The following FMN1 variants were observed in gnomAD, a reference collection of about 807,000 sequenced individuals.
FMN1 encodes the protein formin 1.
Under a neutral mutation model 132.4 loss-of-function variants are expected in FMN1, and 110 were observed. That is an observed-to-expected ratio of 0.83 (90% CI 0.71 to 0.97). The LOEUF (loss-of-function observed/expected upper bound fraction) is 0.97. Ranked by LOEUF, FMN1 falls within the 50% of genes least tolerant of loss-of-function variation. The pLI is 0.00. For missense variants in FMN1, 1,792 were observed against 1,705.3 expected, an observed-to-expected ratio of 1.05 and a Z score of -0.90; for synonymous variants, 722 against 651.7, an observed-to-expected ratio of 1.11 and a Z score of -1.64.
intron 3 of FMN1, among the ~76,000 whole-genome samples, chr15:33,170,942 C>T (rs1965296770): frequency 6.6e-6 from 1 of 152,144 alleles, no homozygotes; most frequent in Admixed American, 6.5e-5. Context: ...TACCTGCACC[C>T]TCATGTTTAC....
chr15:33,060,746 T>G lies in FMN1; in HGVS notation c.2161+4211A>C, dbSNP rs1048382233. ...AGAGAAAAGCTTTTCCAGATGCACA[T>G]TGAGAGAGAAACCACATATGCACAA... On this transcript the variant is annotated intron_variant, in intron 6 of 20. Coordinates refer to ENST00000616417, the MANE Select transcript of FMN1 (RefSeq NM_001277313.2). Among the ~76,000 whole-genome samples the G allele has an allele frequency of 2.6e-5, 4 of 152,330 alleles. No homozygotes were observed. In the South Asian group the frequency reaches 6.2e-4, roughly 24 times the overall value.
intron 6 of FMN1, among the ~76,000 whole-genome samples, chr15:33,025,596 T>C (rs949010922): frequency 2.0e-4 from 30 of 152,308 alleles, no homozygotes; most frequent in African/African-American, 7.2e-4. Flanking sequence ...TTTCAGCAAT[T>C]TGTGAAACCC....
At chr15:33,183,565 G>GTA (rs1965777112) in intron 2 of FMN1, among the ~76,000 whole-genome samples, 2 of 152,182 alleles carry the variant, frequency 1.3e-5, no homozygotes, top group Admixed American at 6.5e-5. Flanking sequence ...CAGTGAATTA[G>GTA]TAATAATGGG....
In FMN1 at chr15:32,773,519, T is replaced by TA. The variant is rs1459844748; in HGVS notation, c.*790dup. 1 of 152,222 alleles carries TA rather than the reference T, an allele frequency of 6.6e-6. No individual in the cohort carries two copies. The highest frequency in any genetic ancestry group is 6.5e-5 in the Admixed American group (1 of 15,278). 9.4% of individuals were successfully genotyped at this position (152,222 alleles called of 1,614,324 possible). On this transcript the variant is annotated 3_prime_UTR_variant, in exon 21 of 21. Transcript: ENST00000616417. ...CCCAAGGCTGTGCTTGCTCAGGTAT[T>TA]ACATTTTCTCCTGGGAGTTGGGGTG...
chr15:33,065,327 A>G (rs2037674542), intron 5 of FMN1, among the ~76,000 whole-genome samples: 3 of 152,214 alleles, frequency 2.0e-5, no homozygotes, highest in Admixed American at 6.5e-5. Context: ...CAACCCTTAA[A>G]AGATTATTTT....
rs531647416 is a variant in FMN1 at position 32,995,402 on chromosome 15, C to A, written c.2223+12612G>T. Among the ~76,000 whole-genome samples the A allele has an allele frequency of 3.1e-4, 47 of 152,202 alleles. 1 individual carries two copies. Among genetic ancestry groups the A allele is most frequent in the African/African-American group, 1.1e-3 (47 of 41,552 alleles). Reference sequence around the variant, plus strand: ...AAGTCTCTCCCTCCATTAGTCTCTGCGTAATATTAGGTCCTCAGTGTAAGC... The same window carrying A: ...AAGTCTCTCCCTCCATTAGTCTCTGAGTAATATTAGGTCCTCAGTGTAAGC... On this transcript the variant is annotated intron_variant, in intron 7 of 20. Transcript: ENST00000616417.
intron 4 of FMN1, among the ~76,000 whole-genome samples, chr15:33,127,643 A>G (rs967745527): frequency 1.5e-4 from 23 of 150,934 alleles, no homozygotes; most frequent in Admixed American, 1.4e-3. Flanking sequence ...AATCAAACTC[A>G]GCACCATTCC....
intron 10 of FMN1, among the ~76,000 whole-genome samples, chr15:32,918,446 G>A (rs1359507819): frequency 6.6e-6 from 1 of 152,192 alleles, no homozygotes; most frequent in Non-Finnish European, 1.5e-5. Context: ...AGCTGCCTGG[G>A]TGGTGGAAGA....
intron 16 of FMN1, among the ~76,000 whole-genome samples, chr15:32,878,863 A>T (rs1157543613): frequency 6.6e-6 from 1 of 152,190 alleles, no homozygotes; most frequent in Non-Finnish European, 1.5e-5. Flanking sequence ...TCTATTAACC[A>T]CGTGTTTTTA....
At chr15:33,057,754 T>A (rs968092995) in intron 6 of FMN1, among the ~76,000 whole-genome samples, 2 of 152,220 alleles carry the variant, frequency 1.3e-5, no homozygotes, top group Non-Finnish European at 2.9e-5. Flanking sequence ...CTTCCCTTTA[T>A]CTTGGGGGGA....
In FMN1 at chr15:32,969,018, G is replaced by A. The variant is rs1232394861; in HGVS notation, c.2683C>T (p.Pro895Ser). The A allele has an allele frequency of 7.7e-7, 1 of 1,294,458 alleles. No homozygotes were observed. The highest frequency in any genetic ancestry group is 1.1e-6 in the Non-Finnish European group (1 of 930,020). 80.2% of individuals were successfully genotyped at this position (1,294,458 alleles called of 1,614,324 possible). A position where few individuals can be genotyped will look rare whatever the true frequency, so the allele number is the denominator to read the frequency against. Residue 895 changes from proline (P) to serine (S), a missense_variant, in exon 8 of 21, where the codon CCA becomes TCA. Coordinates refer to ENST00000616417, the MANE Select transcript of FMN1 (RefSeq NM_001277313.2). The part of the protein sequence containing the change: ...LGSLSPAPPM[P>S]PVSAGPPLPP... ...AGCGGTGGCCCAGCACTCACAGGTG[G>A]CATTGGAGGTGCGGGAGACAAAGAT... is the stretch of plus-strand genomic sequence containing the variant.
At chr15:32,987,993 T>C (rs565279921) in intron 7 of FMN1, among the ~76,000 whole-genome samples, 1 of 151,842 alleles carries the variant, frequency 6.6e-6, no homozygotes, top group South Asian at 2.1e-4. Context: ...TCGTTGCAGG[T>C]TTAGGAGAAA....
intron 7 of FMN1, among the ~76,000 whole-genome samples, chr15:32,988,399 G>A (rs537228317): frequency 2.0e-5 from 3 of 152,232 alleles, no homozygotes; most frequent in Admixed American, 1.3e-4. Context: ...TTATACATTC[G>A]TAACAGAAGC....
chr15:33,008,162 C>T (rs2140944942), intron 6 of FMN1, 87 bp from the exon 7 acceptor site: 6 of 1,034,288 alleles, frequency 5.8e-6, no homozygotes, highest in Middle Eastern at 2.7e-4. Context: ...AATAAACTGA[C>T]TAAAATAAAT....
chr15:32,905,765 C>T (rs925010538), intron 12 of FMN1, among the ~76,000 whole-genome samples: 2 of 152,198 alleles, frequency 1.3e-5, no homozygotes, highest in African/African-American at 4.8e-5. Flanking sequence ...GTAAAACATG[C>T]TTATAGTCGA....
intron 10 of FMN1, among the ~76,000 whole-genome samples, chr15:32,914,833 G>A (rs2060646132): frequency 6.6e-6 from 1 of 152,174 alleles, no homozygotes; most frequent in South Asian, 2.1e-4. Flanking sequence ...CATCCCCCCA[G>A]AAACAGGCAG....
intron 15 of FMN1, among the ~76,000 whole-genome samples, chr15:32,892,616 T>C (rs927047956): frequency 2.2e-4 from 33 of 152,342 alleles, no homozygotes; most frequent in African/African-American, 7.2e-4. Flanking sequence ...TCTTGTGGAA[T>C]AGTGTCAAAA....
At chr15:33,100,594 A>C (rs1034226512) in intron 4 of FMN1, among the ~76,000 whole-genome samples, 6 of 152,296 alleles carry the variant, frequency 3.9e-5, no homozygotes, top group Middle Eastern at 3.4e-3. Context: ...TACGGCCCAC[A>C]AAGTCAAAAA....
At chr15:33,127,716 G>A (rs1453814373) in intron 4 of FMN1, among the ~76,000 whole-genome samples, 1 of 152,190 alleles carries the variant, frequency 6.6e-6, no homozygotes, top group East Asian at 1.9e-4. Context: ...TGAACCTGTG[G>A]TTTCAGGCAG....
Sources: allele counts gnomAD v4.1 joint callset (sites outside exome capture counted in the v4.1 genomes callset), GRCh38; gene constraint gnomAD v4.1.1; transcripts MANE v1.5; gene names NCBI Gene and HGNC (gene_info 2026-07-23, HGNC 2026-07-21).